KCNJ6: variants seen among roughly 807,000 people sequenced by gnomAD.
KCNJ6 encodes G protein-activated inward rectifier potassium channel 2.
In KCNJ6, 9 loss-of-function variants were observed where a neutral mutation model predicts 34.2. That is an observed-to-expected ratio of 0.26 (90% confidence interval 0.16 to 0.46). KCNJ6 has a LOEUF of 0.46. Among genes scored for constraint, KCNJ6 ranks in the 20% least tolerant of loss-of-function variants. KCNJ6 has a pLI of 1.00. For missense variants in KCNJ6, 236 were observed against 531.3 expected (o/e 0.44, Z 5.46); for synonymous variants, 196 against 207.1 (o/e 0.95, Z 0.46).
At chr21:37,836,699 T>A (rs746286362) in intron 2 of KCNJ6, among the ~76,000 whole-genome samples, 2 of 151,854 alleles carry the variant, frequency 1.3e-5, no homozygotes, top group Non-Finnish European at 2.9e-5. Flanking sequence ...TGAGAACACA[T>A]GGGCACAGGG....
intron 3 of KCNJ6, among the ~76,000 whole-genome samples, chr21:37,672,430 G>C (rs2054546239): frequency 6.6e-6 from 1 of 152,054 alleles, no homozygotes; most frequent in South Asian, 2.1e-4. Context: ...GAGAAAAGGA[G>C]CTGGGTCTGG....
intron 2 of KCNJ6, among the ~76,000 whole-genome samples, chr21:37,752,030 A>G (rs2054998420): frequency 6.6e-6 from 1 of 152,212 alleles, no homozygotes. Context: ...AGCTATCTAC[A>G]ATGTACAGAA....
chr21:37,651,630 A>G (rs1195515916), intron 3 of KCNJ6, among the ~76,000 whole-genome samples: 1 of 152,230 alleles, frequency 6.6e-6, no homozygotes, highest in Non-Finnish European at 1.5e-5. Flanking sequence ...GACAGGGAAC[A>G]TACAAATTCC....
intron 2 of KCNJ6, among the ~76,000 whole-genome samples, chr21:37,815,157 G>C (rs1389463427): frequency 6.6e-6 from 1 of 151,830 alleles, no homozygotes; most frequent in Non-Finnish European, 1.5e-5. Context: ...ATGGTTAATA[G>C]GTACAAAAAA....
At chr21:37,655,222 TGTGA>T (rs2054456023) in intron 3 of KCNJ6, among the ~76,000 whole-genome samples, 4 of 8,246 alleles carry the variant, frequency 4.9e-4, no homozygotes, top group Non-Finnish European at 1.8e-3. Context: ...TGTGTGTGTG[TGTGA>T]GAGAGAGAGA....
intron 2 of KCNJ6, among the ~76,000 whole-genome samples, chr21:37,754,349 A>G (rs1175396965): frequency 6.6e-6 from 1 of 152,202 alleles, no homozygotes; most frequent in Non-Finnish European, 1.5e-5. Context: ...AGATTTCTGA[A>G]TAAGGAGAAA....
chr21:37,695,359 C>G lies in KCNJ6; in HGVS notation c.946+18852G>C, dbSNP rs1457724862. ...CCCCAGAGAGTTTGCAACAAGGCAG[C>G]TGGTGGGGAAGTTAACACCACCTTC... On this transcript the variant is annotated intron_variant, in intron 3 of 3. Transcript: ENST00000609713. The surrounding 1 kb of genome is among the most constrained non-coding windows in gnomAD (Gnocchi z 4.2). Among the ~76,000 whole-genome samples the G allele has an allele frequency of 6.6e-6, 1 of 152,216 alleles. No homozygotes were observed. The highest frequency in any genetic ancestry group is 1.5e-5 in the Non-Finnish European group (1 of 68,048).
intron 2 of KCNJ6, among the ~76,000 whole-genome samples, chr21:37,783,966 T>C (rs1160533254): frequency 6.6e-6 from 1 of 152,166 alleles, no homozygotes; most frequent in African/African-American, 2.4e-5. Flanking sequence ...CAAAAATCCA[T>C]CAGTTAGCAT....
intron 1 of KCNJ6, among the ~76,000 whole-genome samples, chr21:37,889,723 C>A (rs920076785): frequency 1.3e-5 from 2 of 152,202 alleles, no homozygotes; most frequent in Admixed American, 1.3e-4. Flanking sequence ...CCTTGGCATT[C>A]CTTGATGTGT....
At chr21:37,879,079 G>A (rs188277964) in intron 1 of KCNJ6, among the ~76,000 whole-genome samples, 1 of 152,294 alleles carries the variant, frequency 6.6e-6, no homozygotes, top group East Asian at 1.9e-4. Context: ...TCAACAGCAA[G>A]TCAATGCAAC....
chr21:37,840,830 A>G (rs1277174655), intron 1 of KCNJ6, 121 bp from the exon 2 acceptor site: 12 of 590,768 alleles, frequency 2.0e-5, no homozygotes, highest in Non-Finnish European at 3.3e-5. Context: ...TTGGTTTCCA[A>G]TAATTAAATG....
At chr21:37,653,188 TA>T (rs1233293730) in intron 3 of KCNJ6, among the ~76,000 whole-genome samples, 1 of 151,552 alleles carries the variant, frequency 6.6e-6, no homozygotes, top group Non-Finnish European at 1.5e-5. Flanking sequence ...AACAAAGGAG[TA>T]AAAAGGGAAT....
Position 37,617,048 on chromosome 21 carries a change from C to CTTT in KCNJ6, c.*8108_*8110dup, listed in dbSNP as rs1556008833. The CTTT allele has an allele frequency of 7.1e-5, 5 of 70,134 alleles. No homozygotes were observed. Among genetic ancestry groups the CTTT allele is most frequent in the Non-Finnish European group, 1.5e-4 (5 of 33,400 alleles). The allele number at this position is 70,134 out of a possible 1,614,324, so 4.3% of individuals were successfully genotyped here. ...TCTTTCTTTCTTTCTTTCTTTCTTT[C>CTTT]TTTCTTTTCTTTTCTTTTCTTTTCT... On this transcript the variant is annotated 3_prime_UTR_variant, in exon 4 of 4. Transcript: ENST00000609713.
At chr21:37,845,400 G>C (rs1449088464) in intron 1 of KCNJ6, among the ~76,000 whole-genome samples, 1 of 152,040 alleles carries the variant, frequency 6.6e-6, no homozygotes, top group Non-Finnish European at 1.5e-5. Context: ...GGCGGGGAGA[G>C]AGAGAAAGAG....
chr21:37,914,586 C>T (rs62222006), intron 1 of KCNJ6, among the ~76,000 whole-genome samples: 3 of 152,324 alleles, frequency 2.0e-5, no homozygotes, highest in Admixed American at 6.5e-5. Flanking sequence ...TTTTTTTCCC[C>T]TATAACTGGA....
At chr21:37,667,393 CA>C (rs1161695183) in intron 3 of KCNJ6, among the ~76,000 whole-genome samples, 1 of 152,072 alleles carries the variant, frequency 6.6e-6, no homozygotes, top group Non-Finnish European at 1.5e-5. Context: ...CTGTCTGGAC[CA>C]GGGGGATTCA....
chr21:37,832,367 C>T (rs754025829), intron 2 of KCNJ6, among the ~76,000 whole-genome samples: 8 of 151,862 alleles, frequency 5.3e-5, no homozygotes, highest in East Asian at 3.9e-4. Flanking sequence ...AGACCATATA[C>T]GATGAACAGC....
At chr21:37,655,220 TGTGTGAGAGAGAGAGAGAGAGAGA>T (rs2054455754) in intron 3 of KCNJ6, among the ~76,000 whole-genome samples, 2 of 8,914 alleles carry the variant, frequency 2.2e-4, no homozygotes, top group South Asian at 2.9e-3. Flanking sequence ...TGTGTGTGTG[TGTGTGAGAGAGAGAGAGAGAGAGA>T]GAGAGAGAGA....
intron 2 of KCNJ6, among the ~76,000 whole-genome samples, chr21:37,833,410 A>C (rs752714581): frequency 3.3e-5 from 5 of 152,076 alleles, no homozygotes; most frequent in Non-Finnish European, 5.9e-5. Context: ...TGCCCCCTTC[A>C]TCTTGGAAGT....
Sources: gnomAD v4.1 joint callset for allele counts (sites outside exome capture counted in the v4.1 genomes callset) on GRCh38, gnomAD v4.1.1 for gene constraint, Gnocchi (gnomAD v3.1) non-coding constraint, MANE v1.5 for transcripts, NCBI Gene and HGNC (gene_info 2026-07-23, HGNC 2026-07-21) for gene names.